PRKG1: variants seen among roughly 807,000 people sequenced by gnomAD.
PRKG1 encodes the protein cGMP-dependent protein kinase 1.
A neutral mutation model predicts 88.1 loss-of-function variants in PRKG1; 35 were observed. That is an observed-to-expected ratio of 0.40 (90% confidence interval 0.30 to 0.53). The LOEUF is 0.53. Ranked by LOEUF, PRKG1 falls within the 20% of genes least tolerant of loss-of-function variation. PRKG1 has a pLI of 0.59. For missense variants in PRKG1, 540 were observed against 839.8 expected (o/e 0.64, Z 4.41); for synonymous variants, 303 against 292.5 (o/e 1.04, Z -0.37).
chr10:50,994,540 A>G (rs1311512467), intron 1 of PRKG1, among the ~76,000 whole-genome samples: 1 of 151,188 alleles, frequency 6.6e-6, no homozygotes, highest in Admixed American at 6.6e-5. Context: ...CCTCCCGAGT[A>G]CACCTCACCT....
At chr10:51,310,615 T>G (rs1387992000) in intron 2 of PRKG1, among the ~76,000 whole-genome samples, 2 of 152,186 alleles carry the variant, frequency 1.3e-5, no homozygotes, top group African/African-American at 4.8e-5. Flanking sequence ...ATTTTTTTAT[T>G]TTTTTGCTAC....
At chr10:51,524,768 GC>G (rs1317795542) in intron 3 of PRKG1, among the ~76,000 whole-genome samples, 12 of 152,312 alleles carry the variant, frequency 7.9e-5, no homozygotes, top group African/African-American at 2.6e-4. Flanking sequence ...TAAAGGAAGT[GC>G]TTTGACTATG....
rs1321336168 is a variant in PRKG1, at chr10:52,256,644, T to G, written c.1173+4978T>G. On this transcript the variant is annotated intron_variant, in intron 10 of 17. Transcript: ENST00000373980. ...TGCTATTATTATTAAAGCATGCTAA[T>G]GATAGTTCTTTTTATTTATCACTTC... 2.1e-4 allele frequency among the ~76,000 whole-genome samples: 29 copies of G among 139,914 alleles called. 6 individuals are homozygous for G. The Admixed American group carries it at 2.2e-3, about 10-fold the overall frequency. The allele number at this position is 139,914 out of a possible 152,430, so 91.8% of individuals were successfully genotyped here.
chr10:51,544,824 A>G (rs1408206111), intron 3 of PRKG1, among the ~76,000 whole-genome samples: 1 of 152,162 alleles, frequency 6.6e-6, no homozygotes, highest in Non-Finnish European at 1.5e-5. Flanking sequence ...AAGAACATAA[A>G]CAAATTTACA....
At chr10:51,417,963 T>C (rs1312126624) in intron 2 of PRKG1, among the ~76,000 whole-genome samples, 3 of 152,194 alleles carry the variant, frequency 2.0e-5, no homozygotes, top group Non-Finnish European at 4.4e-5. Flanking sequence ...GGGAGACACA[T>C]GTTTTACGTT....
intron 2 of PRKG1, among the ~76,000 whole-genome samples, chr10:51,252,333 A>C (rs1839448168): frequency 6.6e-6 from 1 of 151,836 alleles, no homozygotes; most frequent in South Asian, 2.1e-4. Context: ...ATACCAACAC[A>C]GAGATAAGTA....
intron 5 of PRKG1, among the ~76,000 whole-genome samples, chr10:52,041,840 T>A (rs1024642532): frequency 1.3e-5 from 2 of 152,120 alleles, no homozygotes; most frequent in Admixed American, 6.5e-5. Flanking sequence ...AATTAATGAG[T>A]AAATTTACTA....
chr10:51,037,610 C>T (rs1843367756), intron 1 of PRKG1, among the ~76,000 whole-genome samples: 1 of 151,972 alleles, frequency 6.6e-6, no homozygotes, highest in Non-Finnish European at 1.5e-5. Context: ...ATGGTGAAAC[C>T]CCATTTCTAC....
rs114248531 is a variant in PRKG1, at chr10:52,119,703, C to A, written c.936-14137C>A. ...ACTCATAACCCATGACACAACCTGT[C>A]TTGTCCTGTCTTGATCTGTTTTGTG... On this transcript the variant is annotated intron_variant, in intron 7 of 17. Coordinates refer to ENST00000373980, the MANE Select transcript of PRKG1 (RefSeq NM_006258.4). Among the ~76,000 whole-genome samples, 400 of 152,326 alleles carry A rather than the reference C, an allele frequency of 2.6e-3. 5 individuals are homozygous for A. Among genetic ancestry groups the A allele is most frequent in the African/African-American group, 9.0e-3 (375 of 41,572 alleles).
At chr10:51,471,686 C>T (rs293300) in intron 3 of PRKG1, among the ~76,000 whole-genome samples, 107,766 of 151,764 alleles carry the variant, frequency 0.71, 39,977 homozygotes, top group African/African-American at 0.89. Context: ...ACTCAGAGTA[C>T]TTTTGCCTGT....
chr10:52,054,462 TC>T (rs1472789709), intron 5 of PRKG1, 21 bp from the exon 6 acceptor site: 2 of 1,592,962 alleles, frequency 1.3e-6, no homozygotes, highest in East Asian at 4.5e-5. Flanking sequence ...TAATTTTTTT[TC>T]TTATTGTTTC....
intron 1 of PRKG1, among the ~76,000 whole-genome samples, chr10:51,015,811 T>G (rs1359684578): frequency 1.3e-5 from 2 of 152,056 alleles, no homozygotes; most frequent in African/African-American, 2.4e-5. Flanking sequence ...CGCTTGAACC[T>G]GGAAGGTGGA....
chr10:51,740,891 A>G (rs1206851926), intron 3 of PRKG1, among the ~76,000 whole-genome samples: 1 of 151,944 alleles, frequency 6.6e-6, no homozygotes, highest in Admixed American at 6.6e-5. Context: ...CATATTTGCC[A>G]ACCTGCATTG....
At chr10:51,155,504 T>C (rs1846183816) in intron 2 of PRKG1, among the ~76,000 whole-genome samples, 1 of 151,982 alleles carries the variant, frequency 6.6e-6, no homozygotes, top group Non-Finnish European at 1.5e-5. Flanking sequence ...CCAACTAGTT[T>C]ATAGTAGAGT....
At chr10:51,571,430 C>A (rs183446867) in intron 3 of PRKG1, among the ~76,000 whole-genome samples, 7 of 151,580 alleles carry the variant, frequency 4.6e-5, no homozygotes, top group African/African-American at 1.4e-4. Flanking sequence ...CAATGAGATG[C>A]CATTGGTGAA....
chr10:51,260,342 T>C (rs1374259899), intron 2 of PRKG1, among the ~76,000 whole-genome samples: 1 of 152,174 alleles, frequency 6.6e-6, no homozygotes, highest in Non-Finnish European at 1.5e-5. Flanking sequence ...TTGTAAAACA[T>C]TTTTATATAC....
At chr10:51,625,980 A>T (rs941712047) in intron 3 of PRKG1, among the ~76,000 whole-genome samples, 21 of 152,188 alleles carry the variant, frequency 1.4e-4, no homozygotes, top group Admixed American at 1.4e-3. Context: ...AGAACCGCTT[A>T]ACACTAATAC....
intron 2 of PRKG1, among the ~76,000 whole-genome samples, chr10:51,449,856 G>A (rs2132767763): frequency 6.6e-6 from 1 of 151,614 alleles, no homozygotes; most frequent in African/African-American, 2.4e-5. Context: ...CTTTTCTGAA[G>A]TCTGGGCATA....
intron 2 of PRKG1, among the ~76,000 whole-genome samples, chr10:51,431,530 A>C (rs566585163): frequency 2.6e-5 from 4 of 152,178 alleles, no homozygotes; most frequent in African/African-American, 9.6e-5. Flanking sequence ...TGAGAATTTA[A>C]GAAGATAGTT....
Sources: allele counts gnomAD v4.1 joint callset (sites outside exome capture counted in the v4.1 genomes callset), GRCh38; gene constraint gnomAD v4.1.1; transcripts MANE v1.5; gene names NCBI Gene and HGNC (gene_info 2026-07-23, HGNC 2026-07-21).